The following COL23A1 variants were observed in gnomAD, a reference collection of about 807,000 sequenced individuals.
COL23A1 encodes collagen type XXIII alpha 1 chain.
In COL23A1, 97 loss-of-function variants were observed where a neutral mutation model predicts 99.3. The ratio of observed to expected loss-of-function variants is 0.98; its 90% CI spans 0.83 to 1.16. The LOEUF (loss-of-function observed/expected upper bound fraction) is 1.16. COL23A1 is among the 50% of genes most tolerant of loss of function. The pLI, the probability that COL23A1 is intolerant of heterozygous loss-of-function variation, is 0.00. For missense variants in COL23A1, 762 were observed against 757.4 expected, an observed-to-expected ratio of 1.01 and a Z score of -0.07; for synonymous variants, 320 against 308.2, an observed-to-expected ratio of 1.04 and a Z score of -0.40.
intron 2 of COL23A1, among the ~76,000 whole-genome samples, chr5:178,547,475 A>AAC (rs1554194028): frequency 1.3e-3 from 174 of 131,494 alleles, no homozygotes; most frequent in African/African-American, 4.8e-3. Flanking sequence ...ACACCCACAC[A>AAC]CCCACACACA....
At chr5:178,570,975 T>C (rs1471915677) in intron 1 of COL23A1, among the ~76,000 whole-genome samples, 1 of 151,772 alleles carries the variant, frequency 6.6e-6, no homozygotes, top group Non-Finnish European at 1.5e-5. Flanking sequence ...CGAAAAGGAT[T>C]CTAGGGCACC....
chr5:178,308,995 C>A lies in COL23A1; in HGVS notation c.362-2076G>T, dbSNP rs541276021. Reference sequence around the variant, plus strand: ...TTGCCAGGCCTCAGGTTGTGCTCGGCCCAGCGAAGCAGTAGGCCCCGGGCC... The same window carrying A: ...TTGCCAGGCCTCAGGTTGTGCTCGGACCAGCGAAGCAGTAGGCCCCGGGCC... On this transcript the variant is annotated intron_variant, in intron 2 of 28. Coordinates refer to ENST00000390654, the MANE Select transcript of COL23A1 (RefSeq NM_173465.4). The surrounding 1 kb of genome is among the most constrained non-coding windows in gnomAD (Gnocchi z 5.1). Among the ~76,000 whole-genome samples the A allele has an allele frequency of 3.3e-5, 5 of 152,286 alleles. No individual in the cohort carries two copies. In the South Asian group the frequency reaches 1.0e-3, roughly 32 times the overall value.
chr5:178,462,718 G>T (rs1756189851), intron 2 of COL23A1, among the ~76,000 whole-genome samples: 1 of 152,150 alleles, frequency 6.6e-6, no homozygotes. Context: ...AACCTTCCGG[G>T]ATTTAACAAA....
intron 2 of COL23A1, among the ~76,000 whole-genome samples, chr5:178,504,141 A>G (rs1427827386): frequency 1.3e-5 from 2 of 152,152 alleles, no homozygotes; most frequent in Non-Finnish European, 2.9e-5. Context: ...GAGGCATAAA[A>G]TGAGTCACAT....
intron 2 of COL23A1, chr5:178,352,122 C>T (rs912473517): frequency 5.3e-5 from 8 of 152,260 alleles, no homozygotes; most frequent in Admixed American, 2.0e-4. Context: ...TTCATCCTGG[C>T]TTCTCTACTC....
chr5:178,571,403 G>C (rs1195725597), intron 1 of COL23A1, among the ~76,000 whole-genome samples: 3 of 151,974 alleles, frequency 2.0e-5, no homozygotes, highest in Non-Finnish European at 4.4e-5. Flanking sequence ...AAAATACTTA[G>C]GGGAGCACCA....
At chr5:178,386,711 G>A (rs112568699) in intron 2 of COL23A1, among the ~76,000 whole-genome samples, 58 of 152,198 alleles carry the variant, frequency 3.8e-4, no homozygotes, top group African/African-American at 1.4e-3. Context: ...GGTCCCCGCC[G>A]CCTACCCCTG....
intron 2 of COL23A1, among the ~76,000 whole-genome samples, chr5:178,445,657 T>A (rs527254560): frequency 2.0e-5 from 3 of 152,142 alleles, no homozygotes; most frequent in East Asian, 3.9e-4. Context: ...AGAAACTACA[T>A]CGAAAAGATG....
rs568060368 is a variant in COL23A1 at position 178,256,044 on chromosome 5, G to C, written c.882+309C>G. ...AGGATCAGGCATACGACAAACAGAG[G>C]ACCTGTGTCTGAATACATAAAGAAA... is the stretch of plus-strand genomic sequence containing the variant. On this transcript the variant is annotated intron_variant, in intron 15 of 28. Coordinates refer to ENST00000390654, the MANE Select transcript of COL23A1 (RefSeq NM_173465.4). 9.2e-5 allele frequency among the ~76,000 whole-genome samples: 14 copies of C among 152,230 alleles called. No individual in the cohort carries two copies. The East Asian group carries it at 1.5e-3, about 17-fold the overall frequency.
At chr5:178,290,507 T>A in intron 3 of COL23A1, 138 bp from the exon 4 acceptor site, 3 of 1,127,212 alleles carry the variant, frequency 2.7e-6, no homozygotes, top group Non-Finnish European at 4.0e-6. Context: ...CTGCCATGGC[T>A]GTTTCCTGCC....
chr5:178,577,390 G>A (rs1434583839), intron 1 of COL23A1, among the ~76,000 whole-genome samples: 4 of 152,242 alleles, frequency 2.6e-5, no homozygotes, highest in African/African-American at 9.6e-5. Context: ...CCCAAGGGCG[G>A]CCGCATCCGG....
At chr5:178,481,195 A>G (rs112286720) in intron 2 of COL23A1, among the ~76,000 whole-genome samples, 1,794 of 151,648 alleles carry the variant, frequency 0.012, 45 homozygotes, top group African/African-American at 0.041. Context: ...CAGAGTTGTG[A>G]AGGAAAGAAA....
chr5:178,515,334 G>C (rs182243059), intron 2 of COL23A1, among the ~76,000 whole-genome samples: 1 of 152,236 alleles, frequency 6.6e-6, no homozygotes. Context: ...AGGAAGCGGT[G>C]AGTGTTGGGT....
At chr5:178,244,310 T>G (rs1248753416) in intron 25 of COL23A1, among the ~76,000 whole-genome samples, 3 of 152,116 alleles carry the variant, frequency 2.0e-5, no homozygotes, top group Non-Finnish European at 4.4e-5. Context: ...CTTTTTAAAG[T>G]CTAGGGTGGG....
chr5:178,244,236 G>A (rs112716355), intron 25 of COL23A1, among the ~76,000 whole-genome samples: 22 of 151,152 alleles, frequency 1.5e-4, no homozygotes, highest in African/African-American at 4.6e-4. Context: ...TGATCCACCC[G>A]CCTCGGCTTC....
chr5:178,246,908 G>A (rs905127742), intron 22 of COL23A1, among the ~76,000 whole-genome samples: 3 of 152,182 alleles, frequency 2.0e-5, no homozygotes, highest in African/African-American at 4.8e-5. Flanking sequence ...CTGCAGGCTC[G>A]GGCCTGGGCT....
At chr5:178,300,914 T>C (rs1176796515) in intron 3 of COL23A1, among the ~76,000 whole-genome samples, 1 of 152,220 alleles carries the variant, frequency 6.6e-6, no homozygotes, top group Non-Finnish European at 1.5e-5. Context: ...TGCTTAGGTA[T>C]GTATCTCTTT....
At chr5:178,444,937 A>T (rs896664968) in intron 2 of COL23A1, among the ~76,000 whole-genome samples, 10 of 152,242 alleles carry the variant, frequency 6.6e-5, no homozygotes, top group Non-Finnish European at 1.3e-4. Context: ...AAGCTACACA[A>T]TGTATACACA....
Position 178,288,458 on chromosome 5 carries a change from T to C in COL23A1, c.415-108A>G, listed in dbSNP as rs114064215. ...CCCACACCCGCCCCCCGACAGCTGG[T>C]TGGTGACTTCCTCTGCAGCGGGAGG... On this transcript the variant is annotated intron_variant, in intron 4 of 28. Coordinates refer to ENST00000390654, the MANE Select transcript of COL23A1 (RefSeq NM_173465.4). The C allele has an allele frequency of 2.9e-3, 2,737 of 948,320 alleles. 52 individuals carry two copies. In the African/African-American group the frequency reaches 0.036, roughly 13 times the overall value. The allele number at this position is 948,320 out of a possible 1,614,324, so 58.7% of individuals were successfully genotyped here. A position where few individuals can be genotyped will look rare whatever the true frequency, so the allele number is the denominator to read the frequency against.
Sources: gnomAD v4.1 joint callset for allele counts (sites outside exome capture counted in the v4.1 genomes callset) on GRCh38, gnomAD v4.1.1 for gene constraint, Gnocchi (gnomAD v3.1) non-coding constraint, MANE v1.5 for transcripts, NCBI Gene and HGNC (gene_info 2026-07-23, HGNC 2026-07-21) for gene names.